PPP2R2A: variants seen among roughly 807,000 people sequenced by gnomAD.
The protein encoded by PPP2R2A is protein phosphatase 2 regulatory subunit Balpha.
PPP2R2A carries 9 observed loss-of-function variants against 53.2 expected under a neutral mutation model. That is an observed-to-expected ratio of 0.17 (90% CI 0.10 to 0.30). PPP2R2A has a LOEUF of 0.30. PPP2R2A is among the 10% of genes least tolerant of loss of function. The pLI, the probability that PPP2R2A is intolerant of heterozygous loss-of-function variation, is 1.00. For missense variants in PPP2R2A, 235 were observed against 534.6 expected (o/e 0.44, Z 5.53); for synonymous variants, 169 against 174.2 (o/e 0.97, Z 0.23).
At chr8:26,343,525 C>T (rs1804057993) in intron 3 of PPP2R2A, among the ~76,000 whole-genome samples, 1 of 151,820 alleles carries the variant, frequency 6.6e-6, no homozygotes, top group East Asian at 2.0e-4. Flanking sequence ...GTGCACACCA[C>T]CACACCTGGC....
rs752078706 is a variant in PPP2R2A, at chr8:26,360,929, A to G, written c.460-45A>G. Reference sequence around the variant, plus strand: ...TTCTGAATCTTAATTGCTATTTGAAACTGAGCCTTTTGTAATTTCTGTTTT... The same window carrying G: ...TTCTGAATCTTAATTGCTATTTGAAGCTGAGCCTTTTGTAATTTCTGTTTT... On this transcript the variant is annotated intron_variant, in intron 5 of 9. Transcript: ENST00000380737. The surrounding 1 kb of genome is among the most constrained non-coding windows in gnomAD (Gnocchi z 4.5). 1.9e-6 allele frequency: 3 copies of G among 1,539,444 alleles called. No individual in the cohort carries two copies. The South Asian group carries it at 3.7e-5, about 19-fold the overall frequency.
At chr8:26,301,506 A>G (rs1211616605) in intron 2 of PPP2R2A, among the ~76,000 whole-genome samples, 1 of 151,562 alleles carries the variant, frequency 6.6e-6, no homozygotes, top group Non-Finnish European at 1.5e-5. Context: ...CTAGTTTTTA[A>G]AAATTTTTTT....
intron 7 of PPP2R2A, 22 bp from the exon 8 acceptor site, chr8:26,363,699 T>G: frequency 1.3e-6 from 2 of 1,541,626 alleles, no homozygotes; most frequent in Non-Finnish European, 1.8e-6. Flanking sequence ...GCCCTTTTTG[T>G]GTTGTTTTGT....
chr8:26,333,606 T>G (rs906115413), intron 2 of PPP2R2A: 4 of 968,984 alleles, frequency 4.1e-6, no homozygotes, highest in Non-Finnish European at 5.2e-6. Context: ...AATAATTTAG[T>G]CTTTTAATGG....
At chr8:26,303,518 A>G (rs1158966611) in intron 2 of PPP2R2A, among the ~76,000 whole-genome samples, 4 of 152,222 alleles carry the variant, frequency 2.6e-5, no homozygotes, top group Non-Finnish European at 4.4e-5. Flanking sequence ...TTGGCTTGCT[A>G]ACTTTCCCAA....
At chr8:26,323,820 A>T (rs570465079) in intron 2 of PPP2R2A, among the ~76,000 whole-genome samples, 11 of 152,106 alleles carry the variant, frequency 7.2e-5, no homozygotes, top group African/African-American at 2.6e-4. Context: ...GCCGTTTGTG[A>T]TCTGCTCAGT....
At chr8:26,330,964 A>T (rs139332642) in intron 2 of PPP2R2A, among the ~76,000 whole-genome samples, 22 of 152,004 alleles carry the variant, frequency 1.4e-4, no homozygotes, top group African/African-American at 4.8e-4. Context: ...AAGGTGTGAC[A>T]CTCTTGTGAG....
chr8:26,362,864 C>A lies in PPP2R2A; in HGVS notation c.802+16C>A. 1 of 1,604,446 alleles carries A rather than the reference C, an allele frequency of 6.2e-7. No individual in the cohort carries two copies. Among genetic ancestry groups the A allele is most frequent in the African/African-American group, 1.3e-5 (1 of 74,828 alleles). Reference sequence around the variant, plus strand: ...CATTCTAAATGTAAGTTTATTGTATCTTTCCTTAAAATGATTACATATTCT... The same window carrying A: ...CATTCTAAATGTAAGTTTATTGTATATTTCCTTAAAATGATTACATATTCT... On this transcript the variant is annotated intron_variant, in intron 7 of 9. Transcript: ENST00000380737. This position sits in a 1 kb window ranked among gnomAD's most constrained non-coding sequence, Gnocchi z 4.4.
chr8:26,291,897 C>T, intron 1 of PPP2R2A, 71 bp downstream of exon 1: 2 of 1,584,978 alleles, frequency 1.3e-6, no homozygotes, highest in Non-Finnish European at 8.6e-7. Context: ...CACCCCCTAG[C>T]GACCGCCCGC....
chr8:26,329,679 A>G (rs17247198), intron 2 of PPP2R2A, among the ~76,000 whole-genome samples: 37,523 of 152,114 alleles, frequency 0.25, 5,330 homozygotes, highest in Non-Finnish European at 0.32. Flanking sequence ...TATACTGCCA[A>G]ATGTTCGTGA....
chr8:26,312,340 T>C (rs1348945997), intron 2 of PPP2R2A, among the ~76,000 whole-genome samples: 5 of 152,224 alleles, frequency 3.3e-5, no homozygotes, highest in Non-Finnish European at 5.9e-5. Flanking sequence ...ATGATGATGG[T>C]GCATTTAGGT....
intron 1 of PPP2R2A, chr8:26,292,178 C>A (rs908605003): frequency 1.0e-5 from 12 of 1,169,666 alleles, no homozygotes; most frequent in African/African-American, 6.4e-5. Flanking sequence ...CACCTTGCCC[C>A]CCGCCTTTAT....
intron 9 of PPP2R2A, among the ~76,000 whole-genome samples, chr8:26,367,077 C>G (rs13267955): frequency 0.21 from 32,549 of 151,990 alleles, 3,768 homozygotes; most frequent in East Asian, 0.44. Context: ...TTAAAGTAAT[C>G]AGAGATACTT....
At chr8:26,327,050 G>A (rs1803124191) in intron 2 of PPP2R2A, among the ~76,000 whole-genome samples, 1 of 152,186 alleles carries the variant, frequency 6.6e-6, no homozygotes, top group African/African-American at 2.4e-5. Context: ...ACACATCTCT[G>A]GAAGTTACCT....
intron 2 of PPP2R2A, among the ~76,000 whole-genome samples, chr8:26,335,974 C>G (rs1471509339): frequency 6.6e-6 from 1 of 152,196 alleles, no homozygotes; most frequent in Non-Finnish European, 1.5e-5. Context: ...GCAATCAAGT[C>G]TTTTTCTTCT....
intron 3 of PPP2R2A, among the ~76,000 whole-genome samples, chr8:26,343,966 C>CTT (rs1382591285): frequency 6.6e-6 from 1 of 152,126 alleles, no homozygotes; most frequent in African/African-American, 2.4e-5. Flanking sequence ...TCATTGGACC[C>CTT]TTGTGTCCAT....
chr8:26,361,237 G>C, intron 6 of PPP2R2A, 86 bp downstream of exon 6: 1 of 1,383,420 alleles, frequency 7.2e-7, no homozygotes, highest in African/African-American at 1.5e-5. Context: ...AATGAATTTG[G>C]TTGCTTTTTA....
intron 2 of PPP2R2A, among the ~76,000 whole-genome samples, chr8:26,322,646 G>C (rs151322609): frequency 1.3e-5 from 2 of 151,442 alleles, no homozygotes; most frequent in Non-Finnish European, 2.9e-5. Context: ...TCAGAAGCAT[G>C]ATAAGTCAAC....
chr8:26,304,240 T>C (rs2117210452), intron 2 of PPP2R2A, among the ~76,000 whole-genome samples: 1 of 152,280 alleles, frequency 6.6e-6, no homozygotes, highest in South Asian at 2.1e-4. Context: ...ATTAATCATC[T>C]GTAAAATACC....
Sources: gnomAD v4.1 joint callset for allele counts (sites outside exome capture counted in the v4.1 genomes callset) on GRCh38, gnomAD v4.1.1 for gene constraint, Gnocchi (gnomAD v3.1) non-coding constraint, MANE v1.5 for transcripts, NCBI Gene and HGNC (gene_info 2026-07-23, HGNC 2026-07-21) for gene names.